ACTR3C: variants seen among roughly 807,000 people sequenced by gnomAD.
ACTR3C encodes actin related protein 3C.
Under a neutral mutation model 26.3 loss-of-function variants are expected in ACTR3C, and 18 were observed. The ratio of observed to expected loss-of-function variants is 0.68; its 90% confidence interval spans 0.47 to 1.01. The LOEUF (loss-of-function observed/expected upper bound fraction) is 1.01, where lower values mean the gene tolerates loss of function less well. Among genes scored for constraint, ACTR3C ranks in the 50% least tolerant of loss-of-function variants. ACTR3C has a pLI of 0.00. For missense variants in ACTR3C, 184 were observed against 250.7 expected, an observed-to-expected ratio of 0.73 and a Z score of 1.80; for synonymous variants, 55 against 94.5, an observed-to-expected ratio of 0.58 and a Z score of 2.42.
the ACTR3C span, among the ~76,000 whole-genome samples, chr7:149,937,608 C>A: frequency 6.6e-6 from 1 of 152,000 alleles, no homozygotes; most frequent in African/African-American, 2.4e-5. Context: ...AAAGACAGAC[C>A]GTGGGTGGGA....
the ACTR3C span, among the ~76,000 whole-genome samples, chr7:150,077,827 T>C: frequency 6.6e-6 from 1 of 152,208 alleles, no homozygotes. Flanking sequence ...CAATCTGCAC[T>C]AAGATTTCTT....
At chr7:149,937,422 G>A in the ACTR3C span, among the ~76,000 whole-genome samples, 3 of 151,790 alleles carry the variant, frequency 2.0e-5, no homozygotes, top group Admixed American at 2.0e-4. Flanking sequence ...CAGACAAGAT[G>A]AAAGACTTCC....
At chr7:150,300,493 A>AG (rs1169230019) in intron 1 of ACTR3C, among the ~76,000 whole-genome samples, 1 of 152,236 alleles carries the variant, frequency 6.6e-6, no homozygotes, top group South Asian at 2.1e-4. Flanking sequence ...GAAAGAGGCG[A>AG]GGGGGGCACG....
chr7:150,082,936 T>C, the ACTR3C span, among the ~76,000 whole-genome samples: 1 of 123,972 alleles, frequency 8.1e-6, no homozygotes, highest in Non-Finnish European at 1.6e-5. Context: ...TTTTTTTTCT[T>C]TTTTTTTTTT....
the ACTR3C span, among the ~76,000 whole-genome samples, chr7:149,912,637 G>A: frequency 6.6e-6 from 1 of 151,776 alleles, no homozygotes; most frequent in African/African-American, 2.4e-5. Flanking sequence ...TCAGTAGCTG[G>A]AATTACAGGC....
At chr7:150,066,063 A>G in the ACTR3C span, among the ~76,000 whole-genome samples, 9 of 152,260 alleles carry the variant, frequency 5.9e-5, no homozygotes, top group Non-Finnish European at 1.3e-4. Flanking sequence ...TACACTGCTG[A>G]GTCATGCTTG....
chr7:150,257,670 C>T (rs1459701868), intron 6 of ACTR3C, among the ~76,000 whole-genome samples: 2 of 152,098 alleles, frequency 1.3e-5, no homozygotes, highest in East Asian at 3.8e-4. Flanking sequence ...ACAGCAATGC[C>T]CAATACTCAG....
the ACTR3C span, among the ~76,000 whole-genome samples, chr7:150,085,303 T>C: frequency 8.5e-5 from 13 of 152,052 alleles, no homozygotes; most frequent in African/African-American, 3.1e-4. Context: ...CATCCAGGAA[T>C]ACAATGCATC....
At chr7:149,922,970 C>CTATGTTTTT in the ACTR3C span, among the ~76,000 whole-genome samples, 1 of 69,146 alleles carries the variant, frequency 1.4e-5, no homozygotes, top group Non-Finnish European at 2.5e-5. Flanking sequence ...AAATAAAAGG[C>CTATGTTTTT]TTTTTTTTTT....
At chr7:150,156,514 A>G in the ACTR3C span, among the ~76,000 whole-genome samples, 1 of 152,066 alleles carries the variant, frequency 6.6e-6, no homozygotes, top group Non-Finnish European at 1.5e-5. Context: ...AGCATGTGCC[A>G]TAGAATAGGT....
At chr7:150,297,265 T>G (rs1469829913) in intron 1 of ACTR3C, among the ~76,000 whole-genome samples, 3 of 150,650 alleles carry the variant, frequency 2.0e-5, no homozygotes, top group African/African-American at 7.5e-5. Context: ...ATGATGGATA[T>G]GCTAATTACC....
the ACTR3C span, among the ~76,000 whole-genome samples, chr7:150,192,491 G>A: frequency 1.4e-4 from 22 of 152,106 alleles, no homozygotes; most frequent in African/African-American, 5.1e-4. Flanking sequence ...TCATAGAAAC[G>A]ACGTCTCGCT....
chr7:150,007,843 T>C, the ACTR3C span, among the ~76,000 whole-genome samples: 464 of 152,070 alleles, frequency 3.1e-3, 2 homozygotes, highest in African/African-American at 0.011. Context: ...ACAATTAGTA[T>C]TGTCCTCACT....
the ACTR3C span, among the ~76,000 whole-genome samples, chr7:149,907,478 T>TTCTCTTCTCTCTCTCTCTCTCTCTCTCTA: frequency 1.0e-5 from 1 of 97,688 alleles, no homozygotes; most frequent in East Asian, 3.8e-4. Flanking sequence ...CTCTCTTCTC[T>TTCTCTTCTCTCTCTCTCTCTCTCTCTCTA]TCTCTCTCTC....
the ACTR3C span, among the ~76,000 whole-genome samples, chr7:150,178,862 A>G: frequency 6.6e-6 from 1 of 150,810 alleles, no homozygotes; most frequent in Non-Finnish European, 1.5e-5. Flanking sequence ...CTTTTTATCC[A>G]ACTCTTTCTT....
At chr7:149,928,769 G>T in the ACTR3C span, among the ~76,000 whole-genome samples, 191 of 151,626 alleles carry the variant, frequency 1.3e-3, 1 homozygote, top group Non-Finnish European at 2.1e-3. Context: ...CTTGAACCCG[G>T]GAGGCAGAGG....
chr7:150,089,754 C>T, the ACTR3C span, among the ~76,000 whole-genome samples: 1 of 152,214 alleles, frequency 6.6e-6, no homozygotes, highest in South Asian at 2.1e-4. Context: ...CCAGATGAAC[C>T]AGTATTTGAA....
chr7:149,977,443 T>G, the ACTR3C span, among the ~76,000 whole-genome samples: 2 of 152,250 alleles, frequency 1.3e-5, no homozygotes, highest in African/African-American at 4.8e-5. Context: ...TCTGCCAAAT[T>G]GAAGTGGTTG....
the ACTR3C span, among the ~76,000 whole-genome samples, chr7:150,069,818 G>GTGACAGCTGCTTCCAGAAGGGGTAGATGT: frequency 9.0e-3 from 1,363 of 152,156 alleles, 20 homozygotes; most frequent in African/African-American, 0.031. Flanking sequence ...GCTGGAAACA[G>GTGACAGCTGCTTCCAGAAGGGGTAGATGT]TGACAGCTGC....
Sources: gnomAD v4.1 joint callset for allele counts (sites outside exome capture counted in the v4.1 genomes callset) on GRCh38, gnomAD v4.1.1 for gene constraint, MANE v1.5 for transcripts, NCBI Gene and HGNC (gene_info 2026-07-23, HGNC 2026-07-21) for gene names.